The following AAK1 variants were observed in gnomAD, a reference collection of about 807,000 sequenced individuals.
AAK1 encodes the protein AP2 associated kinase 1, also known as AP2-associated protein kinase 1.
In AAK1, 37 loss-of-function variants were observed where a neutral mutation model predicts 116.0. The ratio of observed to expected loss-of-function variants is 0.32; its 90% confidence interval spans 0.25 to 0.42. AAK1 has a LOEUF of 0.42. Among genes scored for constraint, AAK1 ranks in the 10% least tolerant of loss-of-function variants. The pLI is 1.00. For missense variants in AAK1, 919 were observed against 1,170.6 expected (o/e 0.79, Z 3.14); for synonymous variants, 458 against 439.9 (o/e 1.04, Z -0.51).
chr2:69,473,728 G>A lies in AAK1; in HGVS notation c.*2141C>T, dbSNP rs1674755918. ...AGATATTTCATTATATTTCTAACAT[G>A]TATATACGAAAAAAATCAAATATGA... On this transcript the variant is annotated 3_prime_UTR_variant, in exon 22 of 22. Transcript: ENST00000409085. 1.0e-6 allele frequency: 1 copy of A among 961,838 alleles called. No homozygotes were observed. 59.6% of individuals were successfully genotyped at this position (961,838 alleles called of 1,614,324 possible).
At chr2:69,622,850 T>C (rs1161519638) in intron 2 of AAK1, among the ~76,000 whole-genome samples, 2 of 152,180 alleles carry the variant, frequency 1.3e-5, no homozygotes, top group East Asian at 3.9e-4. Context: ...TGGAGAACTT[T>C]TGTGTCTAGC....
Position 69,469,091 on chromosome 2 carries a change from G to A in AAK1, c.*6778C>T. ...TCTTTCAGCATCAACAGGCTTTGTA[G>A]GAATGGAAAAGTACATTTAAAGGGT... On this transcript the variant is annotated 3_prime_UTR_variant, in exon 22 of 22. Transcript: ENST00000409085. The A allele has an allele frequency of 1.0e-6, 1 of 985,412 alleles. No homozygotes were observed. Among genetic ancestry groups the A allele is most frequent in the Non-Finnish European group, 1.2e-6 (1 of 829,936 alleles). The allele number at this position is 985,412 out of a possible 1,614,324, so 61.0% of individuals were successfully genotyped here.
In AAK1 at chr2:69,589,726, A is replaced by AAAAG. The variant is rs1361616506; in HGVS notation, c.164-32752_164-32749dup. ...TCTGTCTCAAAAAAAAAAAAAAAAAAAAAGAAAGAAAGAAAGTAAAGGAGT... is the reference window on the plus strand; with the variant it reads ...TCTGTCTCAAAAAAAAAAAAAAAAAAAAAGAAAGAAAGAAAGAAAGTAAAGGAGT... On this transcript the variant is annotated intron_variant, in intron 2 of 21. Coordinates refer to ENST00000409085, the MANE Select transcript of AAK1 (RefSeq NM_014911.5). Among the ~76,000 whole-genome samples the AAAAG allele has an allele frequency of 7.3e-4, 107 of 147,026 alleles. 1 individual carries two copies. Among genetic ancestry groups the AAAAG allele is most frequent in the East Asian group, 2.4e-3 (12 of 4,916 alleles).
intron 3 of AAK1, among the ~76,000 whole-genome samples, chr2:69,546,575 T>C (rs533867102): frequency 6.6e-6 from 1 of 152,290 alleles, no homozygotes; most frequent in South Asian, 2.1e-4. Flanking sequence ...TGAAAAAGAA[T>C]CAGCAATGTT....
chr2:69,625,993 C>T (rs751229748), intron 2 of AAK1, among the ~76,000 whole-genome samples: 4 of 152,136 alleles, frequency 2.6e-5, no homozygotes, highest in Non-Finnish European at 4.4e-5. Flanking sequence ...CCAAACCTCA[C>T]CCAATTTCTC....
At chr2:69,581,652 T>C (rs909092124) in intron 2 of AAK1, among the ~76,000 whole-genome samples, 1 of 152,116 alleles carries the variant, frequency 6.6e-6, no homozygotes, top group Non-Finnish European at 1.5e-5. Flanking sequence ...GGTTGAAAAT[T>C]GACGCAAAAC....
chr2:69,598,407 T>A, intron 2 of AAK1: 1 of 300,680 alleles, frequency 3.3e-6, no homozygotes, highest in East Asian at 6.4e-5. Context: ...GATCTATAAA[T>A]GATGAGTCAT....
chr2:69,555,777 C>T (rs1388402358), intron 3 of AAK1, among the ~76,000 whole-genome samples: 2 of 151,964 alleles, frequency 1.3e-5, no homozygotes, highest in Non-Finnish European at 2.9e-5. Context: ...AACAAAAGCA[C>T]TGTGGAAGCA....
In AAK1 at chr2:69,466,465, G is replaced by A; in HGVS notation, c.*9404C>T. ...GTGCCAGGTACTCTGGAGGGGTCTG[G>A]ATACAGCGGAAGGCCTTTAACACCC... is the stretch of plus-strand genomic sequence containing the variant. On this transcript the variant is annotated 3_prime_UTR_variant, in exon 22 of 22. Transcript: ENST00000409085. 7.8e-7 allele frequency: 1 copy of A among 1,283,716 alleles called. No homozygotes were observed. 79.5% of individuals were successfully genotyped at this position (1,283,716 alleles called of 1,614,324 possible).
intron 3 of AAK1, among the ~76,000 whole-genome samples, chr2:69,555,758 T>C (rs1421161642): frequency 3.3e-5 from 5 of 152,108 alleles, no homozygotes; most frequent in Non-Finnish European, 7.3e-5. Flanking sequence ...AGCAATATAA[T>C]TGGTATAAAA....
chr2:69,477,497 A>T (rs981937908), intron 20 of AAK1, among the ~76,000 whole-genome samples: 4 of 151,856 alleles, frequency 2.6e-5, no homozygotes, highest in African/African-American at 9.6e-5. Context: ...GGAAAAAAAG[A>T]CACTGAAACA....
intron 2 of AAK1, among the ~76,000 whole-genome samples, chr2:69,571,367 ACAGACAGAGAGG>A (rs1294470101): frequency 6.6e-6 from 1 of 152,188 alleles, no homozygotes; most frequent in Non-Finnish European, 1.5e-5. Context: ...TTCCAGAGAG[ACAGACAGAGAGG>A]CAGACAGAAG....
chr2:69,619,622 A>G (rs1436130851), intron 2 of AAK1, among the ~76,000 whole-genome samples: 1 of 150,298 alleles, frequency 6.7e-6, no homozygotes, highest in Non-Finnish European at 1.5e-5. Context: ...AGCAGGGAAG[A>G]GGGAGGGAGT....
intron 2 of AAK1, among the ~76,000 whole-genome samples, chr2:69,575,184 A>G (rs2105129348): frequency 6.6e-6 from 1 of 151,926 alleles, no homozygotes; most frequent in South Asian, 2.1e-4. Context: ...TTTTTAGAAA[A>G]ACCTGTCCTC....
chr2:69,497,769 T>C (rs960455973), intron 16 of AAK1, among the ~76,000 whole-genome samples: 5 of 152,174 alleles, frequency 3.3e-5, no homozygotes, highest in African/African-American at 1.2e-4. Flanking sequence ...CACAAGAAGT[T>C]CCTGCACATA....
intron 16 of AAK1, among the ~76,000 whole-genome samples, chr2:69,500,696 T>TATATATATATATATAC (rs1553410395): frequency 1.2e-4 from 12 of 99,360 alleles, no homozygotes; most frequent in Non-Finnish European, 1.9e-4. Flanking sequence ...TATATATATA[T>TATATATATATATATAC]ATACACACAC....
Position 69,519,198 on chromosome 2 carries a change from G to T in AAK1, c.1253C>A (p.Pro418Gln). The change falls in exon 12 of 22, where the codon CCA becomes CAA. Residue 418 changes from proline (P) to glutamine (Q), a missense_variant. Physicochemically the swap from Pro to Gln is moderately conservative, Grantham distance 76. Around this residue, in one of 4 missense-constraint regions of AAK1, gnomAD observed 214 missense variants for 210.6 expected, o/e 1.02. Coordinates refer to ENST00000409085, the MANE Select transcript of AAK1 (RefSeq NM_014911.5). ...QPGLLASVPQ[P>Q]KPQAPPSQPL... ...CTGGCTGGGTGGGGCTTGGGGTTTTGGTTGGGGAACACTGGCTAAAAGGCC... is the reference window on the plus strand; with the variant it reads ...CTGGCTGGGTGGGGCTTGGGGTTTTTGTTGGGGAACACTGGCTAAAAGGCC... 6.3e-7 allele frequency: 1 copy of T among 1,588,342 alleles called. No individual in the cohort carries two copies. The highest frequency in any genetic ancestry group is 8.6e-7 in the Non-Finnish European group (1 of 1,167,596).
At chr2:69,598,338 G>T (rs1673397918) in intron 2 of AAK1, 1 of 339,502 alleles carries the variant, frequency 2.9e-6, no homozygotes. Flanking sequence ...ATCCTTTCAT[G>T]GTGTTCCCTC....
chr2:69,522,677 G>A (rs573969528), intron 10 of AAK1, among the ~76,000 whole-genome samples: 4 of 152,040 alleles, frequency 2.6e-5, no homozygotes, highest in South Asian at 2.1e-4. Context: ...GGTGGCACGC[G>A]CCTGTAGTCC....
Sources: allele counts gnomAD v4.1 joint callset (sites outside exome capture counted in the v4.1 genomes callset), GRCh38; gene constraint gnomAD v4.1.1; regional missense constraint gnomAD v4.1.1; transcripts MANE v1.5; gene names NCBI Gene and HGNC (gene_info 2026-07-23, HGNC 2026-07-21).